Variants in ICA1 observed in about 807,000 individuals in gnomAD.
ICA1 encodes islet cell autoantigen 1.
ICA1 carries 40 observed loss-of-function variants against 71.0 expected under a neutral mutation model. The observed-to-expected ratio is 0.56, with a 90% CI of 0.44 to 0.73. The LOEUF is 0.73. Ranked by LOEUF, ICA1 falls within the 30% of genes least tolerant of loss-of-function variation. The pLI, the probability that ICA1 is intolerant of heterozygous loss-of-function variation, is 0.00. For missense variants in ICA1, 578 were observed against 576.5 expected (o/e 1.00, Z -0.03); for synonymous variants, 207 against 209.5 (o/e 0.99, Z 0.10).
intron 1 of ICA1, among the ~76,000 whole-genome samples, chr7:8,243,402 T>G (rs1056623371): frequency 2.6e-4 from 39 of 152,094 alleles, no homozygotes; most frequent in Admixed American, 2.5e-3. Context: ...AACTAGGTAT[T>G]GATGGAACGT....
chr7:8,133,846 CT>C (rs57086182), intron 12 of ICA1, among the ~76,000 whole-genome samples: 1,000 of 118,858 alleles, frequency 8.4e-3, no homozygotes, highest in African/African-American at 0.025. Context: ...AAAAATCATA[CT>C]TTTTTTTTTT....
chr7:8,248,984 C>T (rs925104751), intron 1 of ICA1, among the ~76,000 whole-genome samples: 1 of 152,086 alleles, frequency 6.6e-6, no homozygotes, highest in Non-Finnish European at 1.5e-5. Flanking sequence ...ACCTCCTGAC[C>T]AATAGTTTTT....
intron 6 of ICA1, among the ~76,000 whole-genome samples, chr7:8,176,571 C>T (rs528770233): frequency 1.3e-5 from 2 of 152,292 alleles, no homozygotes; most frequent in African/African-American, 4.8e-5. Flanking sequence ...CTTTGTGCCT[C>T]GTGGGCAGCA....
rs374943709 is a variant in ICA1 at position 8,227,633 on chromosome 7, C to CG, written c.256+967_256+968insC. 4.9e-4 allele frequency: 169 copies of CG among 346,814 alleles called. 1 individual carries two copies. The highest frequency in any genetic ancestry group is 3.8e-3 in the African/African-American group (153 of 40,774). 21.5% of individuals were successfully genotyped at this position (346,814 alleles called of 1,614,324 possible). A position where few individuals can be genotyped will look rare whatever the true frequency, so the allele number is the denominator to read the frequency against. On this transcript the variant is annotated intron_variant, in intron 4 of 13. Coordinates refer to ENST00000402384, the MANE Select transcript of ICA1 (RefSeq NM_001136020.3). ...TTTTTTTTTTTTTTTTCTAAGAGAT[C>CG]TCACCTTCTGTCGCCCAGGCTGGAG...
chr7:8,178,660 T>C (rs527364769), intron 6 of ICA1, among the ~76,000 whole-genome samples: 6 of 152,048 alleles, frequency 3.9e-5, no homozygotes, highest in African/African-American at 1.4e-4. Flanking sequence ...CAATTTCCCA[T>C]TAGTCTAAAT....
rs1027093026 is a variant in ICA1, at chr7:8,248,433, C to T, written c.-79-12428G>A. Among the ~76,000 whole-genome samples the T allele has an allele frequency of 7.2e-5, 11 of 152,266 alleles. No individual in the cohort carries two copies. The East Asian group carries it at 1.2e-3, about 16-fold the overall frequency. On this transcript the variant is annotated intron_variant, in intron 1 of 13. Transcript: ENST00000402384. ...CCATTTTTTCCCCCATAAGAAATAACGCTTTTTTCAGACCAGGAACAGTGG... is the reference window on the plus strand; with the variant it reads ...CCATTTTTTCCCCCATAAGAAATAATGCTTTTTTCAGACCAGGAACAGTGG...
At chr7:8,179,291 T>A (rs1458304584) in intron 6 of ICA1, among the ~76,000 whole-genome samples, 1 of 152,196 alleles carries the variant, frequency 6.6e-6, no homozygotes, top group African/African-American at 2.4e-5. Context: ...GCCTAGCCTA[T>A]CCTACCCAGT....
At chr7:8,197,979 A>G (rs1274516763) in intron 6 of ICA1, among the ~76,000 whole-genome samples, 1 of 152,232 alleles carries the variant, frequency 6.6e-6, no homozygotes, top group Non-Finnish European at 1.5e-5. Flanking sequence ...TTATCAGAAG[A>G]GTATTCCCTA....
chr7:8,175,662 C>T (rs941036178), intron 6 of ICA1, among the ~76,000 whole-genome samples: 2 of 152,202 alleles, frequency 1.3e-5, no homozygotes, highest in Non-Finnish European at 2.9e-5. Context: ...TTTTTCCCTA[C>T]TTGCTCTTCA....
chr7:8,187,568 T>C (rs939198265), intron 6 of ICA1, among the ~76,000 whole-genome samples: 3 of 152,230 alleles, frequency 2.0e-5, no homozygotes, highest in Non-Finnish European at 4.4e-5. Context: ...TAACAAATGT[T>C]TTTCTTTCTT....
intron 3 of ICA1, among the ~76,000 whole-genome samples, chr7:8,229,115 T>C (rs1382075606): frequency 6.6e-6 from 1 of 152,180 alleles, no homozygotes; most frequent in Admixed American, 6.5e-5. Flanking sequence ...TTAACTTATT[T>C]TGTGATCCTA....
At chr7:8,198,514 A>G (rs534277976) in intron 6 of ICA1, among the ~76,000 whole-genome samples, 174 of 152,182 alleles carry the variant, frequency 1.1e-3, no homozygotes, top group Non-Finnish European at 2.1e-3. Context: ...ATGTGGTTGG[A>G]TTTGGGTTTC....
At chr7:8,117,239 A>G (rs1785095163) in intron 13 of ICA1, among the ~76,000 whole-genome samples, 1 of 152,130 alleles carries the variant, frequency 6.6e-6, no homozygotes, top group Non-Finnish European at 1.5e-5. Context: ...TTTATAAATT[A>G]TCCAGTCTTG....
At chr7:8,158,713 G>A (rs571474175) in intron 6 of ICA1, 61 bp from the exon 7 acceptor site, 4 of 1,547,164 alleles carry the variant, frequency 2.6e-6, no homozygotes, top group Middle Eastern at 1.7e-4. Context: ...AAATTTGCAG[G>A]TGAAATGAGA....
chr7:8,219,294 ACT>A (rs1203160130), intron 5 of ICA1, among the ~76,000 whole-genome samples: 1 of 152,226 alleles, frequency 6.6e-6, no homozygotes, highest in African/African-American at 2.4e-5. Context: ...GATGAATTAT[ACT>A]CTTAAAATAT....
intron 1 of ICA1, among the ~76,000 whole-genome samples, chr7:8,242,398 T>C (rs556886578): frequency 7.2e-5 from 11 of 152,306 alleles, no homozygotes; most frequent in Non-Finnish European, 1.5e-4. Flanking sequence ...CCAGAATCTC[T>C]GGGACACATT....
rs114061648 is a variant in ICA1, at chr7:8,135,472, G to T, written c.1060+3368C>A. 2.4e-3 allele frequency among the ~76,000 whole-genome samples: 367 copies of T among 152,280 alleles called. 2 individuals are homozygous for T. Among genetic ancestry groups the T allele is most frequent in the African/African-American group, 8.5e-3 (352 of 41,552 alleles). The stretch of plus-strand genomic sequence containing the variant: ...CCAGGATGCTGAGGAAGACAGAGAG[G>T]AGGGAAAGTTCATGAGAAAAGAGAA... On this transcript the variant is annotated intron_variant, in intron 12 of 13. Transcript: ENST00000402384.
chr7:8,126,195 T>C (rs576404332), intron 13 of ICA1, among the ~76,000 whole-genome samples: 1 of 152,324 alleles, frequency 6.6e-6, no homozygotes, highest in South Asian at 2.1e-4. Flanking sequence ...GGGCTCTTGT[T>C]TCCAAAGCTG....
chr7:8,143,724 G>C (rs991533715), intron 9 of ICA1, 151 bp downstream of exon 9: 3 of 592,332 alleles, frequency 5.1e-6, no homozygotes, highest in East Asian at 2.8e-5. Flanking sequence ...ATGCGTTAAA[G>C]GGGTTTGGCT....
Sources: gnomAD v4.1 joint callset for allele counts (sites outside exome capture counted in the v4.1 genomes callset) on GRCh38, gnomAD v4.1.1 for gene constraint, MANE v1.5 for transcripts, NCBI Gene and HGNC (gene_info 2026-07-23, HGNC 2026-07-21) for gene names.